ATP6V1H: variants seen among roughly 807,000 people sequenced by gnomAD.
The protein encoded by ATP6V1H is V-type proton ATPase subunit H.
In ATP6V1H, 39 loss-of-function variants were observed where a neutral mutation model predicts 71.7. The ratio of observed to expected loss-of-function variants is 0.54; its 90% CI spans 0.42 to 0.71. ATP6V1H has a LOEUF of 0.71. Ranked by LOEUF, ATP6V1H falls within the 30% of genes least tolerant of loss-of-function variation. The pLI, the probability that ATP6V1H is intolerant of heterozygous loss-of-function variation, is 0.00. For synonymous variants in ATP6V1H, 192 were observed against 199.3 expected (o/e 0.96, Z 0.31); for missense variants, 509 against 594.9 (o/e 0.86, Z 1.50).
At chr8:53,746,534 G>A (rs1807609091) in intron 12 of ATP6V1H, among the ~76,000 whole-genome samples, 1 of 151,976 alleles carries the variant, frequency 6.6e-6, no homozygotes, top group Non-Finnish European at 1.5e-5. Context: ...CAAAGTGCTG[G>A]GATTACAGGC....
intron 4 of ATP6V1H, among the ~76,000 whole-genome samples, chr8:53,821,967 C>G (rs1228045134): frequency 1.3e-5 from 2 of 152,046 alleles, no homozygotes; most frequent in Non-Finnish European, 1.5e-5. Context: ...AAAACCAAAA[C>G]TGAGAAATCT....
chr8:53,789,336 A>T (rs951876353), intron 9 of ATP6V1H, among the ~76,000 whole-genome samples: 1 of 152,204 alleles, frequency 6.6e-6, no homozygotes, highest in Non-Finnish European at 1.5e-5. Flanking sequence ...TGATTAAAGC[A>T]GCTTTTGCTG....
chr8:53,748,408 A>G (rs1264898250), intron 12 of ATP6V1H, among the ~76,000 whole-genome samples: 3 of 152,210 alleles, frequency 2.0e-5, no homozygotes, highest in Non-Finnish European at 4.4e-5. Context: ...TAAAATCTCA[A>G]AAGTACTCAT....
At position 53,824,457 on chromosome 8, in the gene ATP6V1H, C is replaced by T. The variant is rs138180775; in HGVS notation, c.306+4987G>A. ...TGTAAACCAATTACACATATGAACA[C>T]TGAGGCAAAAATCCTACATAACAGA... is the stretch of plus-strand genomic sequence containing the variant. On this transcript the variant is annotated intron_variant, in intron 4 of 13. Coordinates refer to ENST00000359530, the MANE Select transcript of ATP6V1H (RefSeq NM_015941.4). Among the ~76,000 whole-genome samples the T allele has an allele frequency of 2.3e-3, 344 of 152,226 alleles. 2 individuals carry two copies. The highest frequency in any genetic ancestry group is 7.9e-3 in the African/African-American group (327 of 41,550).
chr8:53,803,211 C>T (rs1429568830), intron 7 of ATP6V1H, among the ~76,000 whole-genome samples: 30 of 152,056 alleles, frequency 2.0e-4, no homozygotes, highest in Admixed American at 2.0e-3. Context: ...GTGGCGTGCA[C>T]CTGCAATCCC....
Position 53,743,640 on chromosome 8 carries a change from T to C in ATP6V1H, c.1328A>G (p.His443Arg), listed in dbSNP as rs1807494534. 1.9e-6 allele frequency: 3 copies of C among 1,613,882 alleles called. No homozygotes were observed. The highest frequency in any genetic ancestry group is 1.7e-6 in the Non-Finnish European group (2 of 1,179,980). Residue 443 changes from histidine to arginine, a missense_variant, in exon 13 of 14, where the codon CAT becomes CGT. By Grantham distance (29) the His-to-Arg change is conservative (BLOSUM62 0). Around this residue, in one of 2 missense-constraint regions of ATP6V1H, gnomAD observed 212 missense variants for 291.6 expected, o/e 0.73. Coordinates refer to ENST00000359530, the MANE Select transcript of ATP6V1H (RefSeq NM_015941.4). ...GKQLVMNHMHHEDQQVRYNAL... is the reference protein window; with the variant it reads ...GKQLVMNHMHREDQQVRYNAL... ...ATTATAGCGGACCTGCTGGTCTTCATGATGCATGTGGTTCATGACCAGCTG... is the reference window on the plus strand; with the variant it reads ...ATTATAGCGGACCTGCTGGTCTTCACGATGCATGTGGTTCATGACCAGCTG...
At chr8:53,806,042 T>A (rs1399268363) in intron 7 of ATP6V1H, among the ~76,000 whole-genome samples, 1 of 152,150 alleles carries the variant, frequency 6.6e-6, no homozygotes, top group Non-Finnish European at 1.5e-5. Flanking sequence ...ACATTTAACA[T>A]CTGTGCATTT....
intron 12 of ATP6V1H, among the ~76,000 whole-genome samples, chr8:53,754,658 CTCTT>C (rs1404122447): frequency 3.9e-5 from 6 of 152,212 alleles, no homozygotes; most frequent in South Asian, 2.1e-4. Context: ...AACTTATTGT[CTCTT>C]TGAGAAGAAG....
chr8:53,799,765 G>T (rs747513247), intron 8 of ATP6V1H, among the ~76,000 whole-genome samples: 1 of 152,084 alleles, frequency 6.6e-6, no homozygotes, highest in Non-Finnish European at 1.5e-5. Flanking sequence ...TCATGAATGG[G>T]ATTAGTACCC....
chr8:53,738,202 C>T (rs1442971989), intron 13 of ATP6V1H, among the ~76,000 whole-genome samples: 2 of 151,444 alleles, frequency 1.3e-5, no homozygotes, highest in Non-Finnish European at 2.9e-5. Context: ...GAGGCTGAGG[C>T]AGGAGAATTG....
chr8:53,805,300 C>CCA (rs1162552683), intron 7 of ATP6V1H, among the ~76,000 whole-genome samples: 1 of 152,096 alleles, frequency 6.6e-6, no homozygotes, highest in East Asian at 1.9e-4. Flanking sequence ...TATCAGTGAA[C>CCA]CACAAAGATG....
intron 2 of ATP6V1H, among the ~76,000 whole-genome samples, chr8:53,836,666 C>T (rs192984443): frequency 2.6e-5 from 4 of 152,344 alleles, no homozygotes; most frequent in Non-Finnish European, 5.9e-5. Flanking sequence ...TTACCTACTA[C>T]CAGGCGGCCT....
At chr8:53,798,438 T>C (rs1030872869) in intron 8 of ATP6V1H, among the ~76,000 whole-genome samples, 8 of 152,078 alleles carry the variant, frequency 5.3e-5, no homozygotes, top group South Asian at 4.1e-4. Context: ...GCAGAATTAT[T>C]TGAACCCAGG....
chr8:53,756,612 A>G lies in ATP6V1H; in HGVS notation c.1220T>C (p.Leu407Ser), dbSNP rs1310522661. The G allele has an allele frequency of 6.2e-7, 1 of 1,614,040 alleles. No individual in the cohort carries two copies. Among genetic ancestry groups the G allele is most frequent in the Admixed American group, 1.7e-5 (1 of 60,000 alleles). ...TCCAACATCGTGAGCAGCAACAGCT[A>G]AGACTTGGGGATCATCTGACACTTC... ...LLEVSDDPQV[L>S]AVAAHDVGEY... is the part of the protein sequence containing the mutation. Residue 407 changes from leucine (L) to serine (S), a missense_variant, in exon 12 of 14, where the codon TTA (leucine) becomes TCA (serine). Physicochemically the swap from Leu to Ser is moderately radical, Grantham distance 145. Transcript: ENST00000359530.
At chr8:53,829,746 TAA>T (rs1468670295) in intron 3 of ATP6V1H, among the ~76,000 whole-genome samples, 3 of 152,190 alleles carry the variant, frequency 2.0e-5, no homozygotes, top group Non-Finnish European at 4.4e-5. Flanking sequence ...TTTCTAGTGA[TAA>T]GTTTCAGAAT....
chr8:53,793,334 G>A lies in ATP6V1H; in HGVS notation c.870+2313C>T, dbSNP rs112624631. On this transcript the variant is annotated intron_variant, in intron 9 of 13. Transcript: ENST00000359530. ...ATCTGCACATTTTTGAAAACTGCAT[G>A]ACATTATCTACCAAAAGTGCAGGCC... Among the ~76,000 whole-genome samples the A allele has an allele frequency of 5.9e-5, 9 of 152,256 alleles. 1 individual carries two copies. Among genetic ancestry groups the A allele is most frequent in the African/African-American group, 2.2e-4 (9 of 41,550 alleles).
intron 9 of ATP6V1H, among the ~76,000 whole-genome samples, chr8:53,787,446 C>A (rs546756860): frequency 6.6e-6 from 1 of 152,152 alleles, no homozygotes; most frequent in Non-Finnish European, 1.5e-5. Context: ...CATGTACATG[C>A]GTGTGCATGT....
intron 9 of ATP6V1H, among the ~76,000 whole-genome samples, chr8:53,775,337 G>A (rs1052180148): frequency 5.3e-5 from 8 of 152,214 alleles, no homozygotes; most frequent in African/African-American, 1.9e-4. Flanking sequence ...AAAGAACACA[G>A]CTCCCACAGT....
intron 11 of ATP6V1H, among the ~76,000 whole-genome samples, chr8:53,761,294 G>A (rs935522654): frequency 1.4e-4 from 21 of 150,522 alleles, no homozygotes; most frequent in African/African-American, 4.2e-4. Flanking sequence ...CCGAGATCGC[G>A]CCACTGCACT....
Sources: allele counts gnomAD v4.1 joint callset (sites outside exome capture counted in the v4.1 genomes callset), GRCh38; gene constraint gnomAD v4.1.1; regional missense constraint gnomAD v4.1.1; transcripts MANE v1.5; gene names NCBI Gene and HGNC (gene_info 2026-07-23, HGNC 2026-07-21).